Variants in PBX4 observed in about 807,000 individuals in gnomAD.
PBX4 encodes the protein pre-B-cell leukemia transcription factor 4.
A neutral mutation model predicts 35.1 loss-of-function variants in PBX4; 26 were observed. The ratio of observed to expected loss-of-function variants is 0.74; its 90% confidence interval spans 0.54 to 1.03. The LOEUF (loss-of-function observed/expected upper bound fraction) is 1.03. Among genes scored for constraint, PBX4 ranks in the 50% least tolerant of loss-of-function variants. PBX4 has a pLI of 0.00. For synonymous variants in PBX4, 199 were observed against 204.2 expected, an observed-to-expected ratio of 0.97 and a Z score of 0.22; for missense variants, 448 against 504.3, an observed-to-expected ratio of 0.89 and a Z score of 1.07.
At chr19:19,605,231 C>T (rs921937629) in intron 1 of PBX4, among the ~76,000 whole-genome samples, 3 of 150,654 alleles carry the variant, frequency 2.0e-5, no homozygotes, top group East Asian at 2.0e-4. Flanking sequence ...TCCTGGCCAA[C>T]GTGGTGAAAC....
chr19:19,586,740 G>A (rs1240007173), intron 2 of PBX4, among the ~76,000 whole-genome samples: 2 of 151,770 alleles, frequency 1.3e-5, no homozygotes, highest in Non-Finnish European at 2.9e-5. Context: ...GATTATCATG[G>A]CTAACACGGT....
intron 2 of PBX4, among the ~76,000 whole-genome samples, chr19:19,594,750 C>A (rs570789010): frequency 6.6e-6 from 1 of 152,028 alleles, no homozygotes; most frequent in Non-Finnish European, 1.5e-5. Context: ...TAGACAGGGT[C>A]TCACTCTGTC....
chr19:19,613,801 G>C (rs920457961), intron 1 of PBX4, among the ~76,000 whole-genome samples: 6 of 152,074 alleles, frequency 3.9e-5, no homozygotes, highest in African/African-American at 1.4e-4. Flanking sequence ...ATTGATCCTG[G>C]CTCTGGGAAC....
At position 19,589,993 on chromosome 19, in the gene PBX4, G is replaced by A. The variant is rs78428169; in HGVS notation, c.193+9299C>T. The stretch of plus-strand genomic sequence containing the variant: ...TGCTAATTCATAAGAATGTGTATGT[G>A]CACTAAGGCCTTAAGCTACAGGCAC... On this transcript the variant is annotated intron_variant, in intron 2 of 7. Coordinates refer to ENST00000251203, the MANE Select transcript of PBX4 (RefSeq NM_025245.3). Among the ~76,000 whole-genome samples, 1,105 of 152,246 alleles carry A rather than the reference G, an allele frequency of 7.3e-3. 70 individuals are homozygous for A. In the East Asian group the frequency reaches 0.15, roughly 20 times the overall value.
chr19:19,578,930 C>T (rs1283394449), intron 2 of PBX4, among the ~76,000 whole-genome samples: 2 of 152,144 alleles, frequency 1.3e-5, no homozygotes, highest in Non-Finnish European at 2.9e-5. Context: ...GTCATGTGAG[C>T]TCACAGTAAG....
intron 1 of PBX4, among the ~76,000 whole-genome samples, chr19:19,603,930 C>A (rs1226094326): frequency 6.9e-6 from 1 of 145,702 alleles, no homozygotes; most frequent in Admixed American, 6.9e-5. Flanking sequence ...CCACTGCATC[C>A]CAGCGAGCGA....
chr19:19,610,913 G>A (rs12610185), intron 1 of PBX4, among the ~76,000 whole-genome samples: 13,285 of 152,198 alleles, frequency 0.087, 621 homozygotes, highest in South Asian at 0.15. Context: ...TCTCTTTAGG[G>A]ATACTGAAAA....
In PBX4 at chr19:19,599,368, G is replaced by A; in HGVS notation, c.120-3C>T. 7 of 1,612,358 alleles carry A rather than the reference G, an allele frequency of 4.3e-6. No homozygotes were observed. Among genetic ancestry groups the A allele is most frequent in the Non-Finnish European group, 5.1e-6 (6 of 1,178,554 alleles). ...GATGGCAATTCAGAGCATGCTTTCT[G>A]AAAGGGAGGTGACAGAGGAGGGTGT... On this transcript the variant is annotated splice_polypyrimidine_tract_variant and splice_region_variant and intron_variant, in intron 1 of 7. Coordinates refer to ENST00000251203, the MANE Select transcript of PBX4 (RefSeq NM_025245.3).
chr19:19,583,539 G>A (rs943351012), intron 2 of PBX4, among the ~76,000 whole-genome samples: 5 of 147,926 alleles, frequency 3.4e-5, no homozygotes, highest in Admixed American at 6.8e-5. Flanking sequence ...CTTGAGCCCC[G>A]GAGTTTGAGG....
chr19:19,567,408 G>T (rs970537471), intron 5 of PBX4, among the ~76,000 whole-genome samples: 1 of 152,200 alleles, frequency 6.6e-6, no homozygotes, highest in Admixed American at 6.5e-5. Flanking sequence ...ACTGGACTTA[G>T]CCTGGGTTGG....
chr19:19,575,003 A>T (rs1161901385), intron 2 of PBX4, among the ~76,000 whole-genome samples: 1 of 151,786 alleles, frequency 6.6e-6, no homozygotes, highest in Non-Finnish European at 1.5e-5. Context: ...CAATTTTCTA[A>T]CAATCTTACT....
intron 2 of PBX4, among the ~76,000 whole-genome samples, chr19:19,579,526 C>T (rs1012922754): frequency 6.6e-5 from 10 of 152,244 alleles, no homozygotes; most frequent in Admixed American, 3.3e-4. Flanking sequence ...CCTGCCCCCT[C>T]ACCCACTCAG....
intron 2 of PBX4, among the ~76,000 whole-genome samples, chr19:19,589,473 G>GA (rs775462516): frequency 2.5e-4 from 37 of 150,748 alleles, no homozygotes; most frequent in Admixed American, 2.0e-3. Context: ...GAAAAAGAAA[G>GA]AAAAAAAAGT....
At chr19:19,586,590 A>C (rs544035397) in intron 2 of PBX4, among the ~76,000 whole-genome samples, 1 of 152,144 alleles carries the variant, frequency 6.6e-6, no homozygotes, top group South Asian at 2.1e-4. Context: ...TGTGCCAGGC[A>C]GCACATCTGG....
intron 2 of PBX4, among the ~76,000 whole-genome samples, chr19:19,589,102 G>A (rs958857536): frequency 3.3e-5 from 5 of 152,030 alleles, no homozygotes; most frequent in African/African-American, 4.8e-5. Context: ...CCTCCAACCC[G>A]CATGACAGAG....
In PBX4 at chr19:19,570,706, C is replaced by T. The variant is rs1319294451; in HGVS notation, c.321G>A (p.Arg107=). The change falls in exon 3 of 8, where the codon AGG becomes AGA. Residue 107 remains arginine, a synonymous_variant. Transcript: ENST00000251203. Reference sequence around the variant, plus strand: ...AGCCACCTGGTGTTGCTGTGCCGGCCCTGGCCACCGCTCCTCCTCTTCCTC... The same window carrying T: ...AGCCACCTGGTGTTGCTGTGCCGGCTCTGGCCACCGCTCCTCCTCTTCCTC... ...EKRGRGGAVA[R]AGTATPGGCP... is the part of the protein sequence containing the mutation. 1.2e-6 allele frequency: 2 copies of T among 1,614,086 alleles called. No homozygotes were observed. Among genetic ancestry groups the T allele is most frequent in the Middle Eastern group, 1.6e-4 (1 of 6,062 alleles).
At chr19:19,599,791 G>A (rs988039223) in intron 1 of PBX4, among the ~76,000 whole-genome samples, 4 of 152,106 alleles carry the variant, frequency 2.6e-5, no homozygotes, top group African/African-American at 9.7e-5. Context: ...TGGCCAGCAT[G>A]GTGAAACCCT....
intron 1 of PBX4, among the ~76,000 whole-genome samples, chr19:19,615,286 G>T (rs1294208804): frequency 6.6e-6 from 1 of 151,470 alleles, no homozygotes; most frequent in Admixed American, 6.6e-5. Flanking sequence ...GGTTGAGGCT[G>T]CAGTGAGTCA....
At position 19,570,834 on chromosome 19, in the gene PBX4, C is replaced by T; in HGVS notation, c.194-1G>A. 6.2e-7 allele frequency: 1 copy of T among 1,613,904 alleles called. No individual in the cohort carries two copies. Among genetic ancestry groups the T allele is most frequent in the Non-Finnish European group, 8.5e-7 (1 of 1,179,984 alleles). On this transcript the variant is annotated splice_acceptor_variant, in intron 2 of 7. Coordinates refer to ENST00000251203, the MANE Select transcript of PBX4 (RefSeq NM_025245.3). LOFTEE classifies it high-confidence loss of function. ...TCTTGAATGCCACGGATGCTTACCA[C>T]TAGATAAGAGAGACCGGGACAAGTC... is the stretch of plus-strand genomic sequence containing the variant.
Sources: allele counts gnomAD v4.1 joint callset (sites outside exome capture counted in the v4.1 genomes callset), GRCh38; gene constraint gnomAD v4.1.1; transcripts MANE v1.5; gene names NCBI Gene and HGNC (gene_info 2026-07-23, HGNC 2026-07-21).